Variants in MGMT observed in about 807,000 individuals in gnomAD.
MGMT encodes the protein methylated-DNA--protein-cysteine methyltransferase.
Under a neutral mutation model 15.9 loss-of-function variants are expected in MGMT, and 14 were observed. The observed-to-expected ratio is 0.88, with a 90% CI of 0.58 to 1.37. The LOEUF is 1.37. Among genes scored for constraint, MGMT ranks in the 40% most tolerant of loss-of-function variants. The pLI is 0.00. For synonymous variants in MGMT, 130 were observed against 118.2 expected (o/e 1.10, Z -0.65); for missense variants, 282 against 268.1 (o/e 1.05, Z -0.36).
chr10:129,657,981 G>A (rs1847551888), intron 2 of MGMT, among the ~76,000 whole-genome samples: 1 of 152,140 alleles, frequency 6.6e-6, no homozygotes, highest in African/African-American at 2.4e-5. Flanking sequence ...TATATTTAAT[G>A]TGGTGTTGAG....
rs191024709 is a variant in MGMT at position 129,659,457 on chromosome 10, G to A, written c.126-48438G>A. On this transcript the variant is annotated intron_variant, in intron 2 of 4. Transcript: ENST00000651593. The surrounding 1 kb of genome is among the most constrained non-coding windows in gnomAD (Gnocchi z 4.1). ...TAGAACAGATCCTGCCTCTATCCAC[G>A]GCGTAAGGGAGTTAGCTTCATGGCA... 4.3e-4 allele frequency among the ~76,000 whole-genome samples: 65 copies of A among 152,166 alleles called. No homozygotes were observed. The highest frequency in any genetic ancestry group is 1.0e-3 in the South Asian group (5 of 4,822).
intron 2 of MGMT, among the ~76,000 whole-genome samples, chr10:129,644,072 G>T (rs901555874): frequency 3.3e-5 from 5 of 152,142 alleles, no homozygotes; most frequent in Non-Finnish European, 7.3e-5. Context: ...GCCAGCCCCG[G>T]TCTAACCCAT....
intron 1 of MGMT, among the ~76,000 whole-genome samples, chr10:129,523,708 AT>A (rs1296620533): frequency 5.0e-4 from 4 of 7,930 alleles, no homozygotes; most frequent in Non-Finnish European, 1.0e-3. Flanking sequence ...GGGGAGCACC[AT>A]TTGATTTTAA....
rs1460253163 is a variant in MGMT, at chr10:129,770,848, T to A, written c.*3851T>A. 6.7e-6 allele frequency among the ~76,000 whole-genome samples: 1 copy of A among 148,984 alleles called. No individual in the cohort carries two copies. Among genetic ancestry groups the A allele is most frequent in the Non-Finnish European group, 1.5e-5 (1 of 67,616 alleles). ...TCTTGTTGCCATCGGGGCAGTGGAGTCCCCGGAAACAGTCCAAGGCCCTGG... is the reference window on the plus strand; with the variant it reads ...TCTTGTTGCCATCGGGGCAGTGGAGACCCCGGAAACAGTCCAAGGCCCTGG... On this transcript the variant is annotated 3_prime_UTR_variant, in exon 5 of 5. Transcript: ENST00000651593.
At chr10:129,472,782 G>A (rs751381066) in intron 1 of MGMT, among the ~76,000 whole-genome samples, 2 of 152,182 alleles carry the variant, frequency 1.3e-5, no homozygotes, top group Non-Finnish European at 2.9e-5. Flanking sequence ...AGGCAGGACT[G>A]GAGGTCGGGA....
chr10:129,725,087 A>G (rs1204790621), intron 3 of MGMT, among the ~76,000 whole-genome samples: 1 of 151,748 alleles, frequency 6.6e-6, no homozygotes, highest in Non-Finnish European at 1.5e-5. Context: ...CCTCTGGGCC[A>G]GACCTTTGGA....
At chr10:129,591,880 G>A (rs531700091) in intron 2 of MGMT, among the ~76,000 whole-genome samples, 30 of 152,310 alleles carry the variant, frequency 2.0e-4, no homozygotes, top group South Asian at 4.1e-4. Context: ...ACAGTGAGCC[G>A]AGATGGCGCC....
chr10:129,609,343 C>G (rs895419456), intron 2 of MGMT, among the ~76,000 whole-genome samples: 1 of 148,242 alleles, frequency 6.7e-6, no homozygotes, highest in Non-Finnish European at 1.5e-5. Context: ...TGGCCCCATC[C>G]GGATGATGGA....
At chr10:129,696,657 T>G (rs1441891415) in intron 2 of MGMT, among the ~76,000 whole-genome samples, 1 of 152,258 alleles carries the variant, frequency 6.6e-6, no homozygotes, top group Non-Finnish European at 1.5e-5. Context: ...AGCACCCTTG[T>G]GTCTTGTCTA....
chr10:129,549,993 G>A (rs755910277), intron 2 of MGMT, among the ~76,000 whole-genome samples: 2 of 151,984 alleles, frequency 1.3e-5, no homozygotes, highest in African/African-American at 4.8e-5. Context: ...TCGGTGGTTG[G>A]TTACCCACTC....
intron 1 of MGMT, among the ~76,000 whole-genome samples, chr10:129,488,874 G>A (rs994229015): frequency 6.6e-6 from 1 of 152,150 alleles, no homozygotes; most frequent in Admixed American, 6.5e-5. Flanking sequence ...CATGTGACAT[G>A]TGGATATAGA....
intron 2 of MGMT, among the ~76,000 whole-genome samples, chr10:129,626,043 G>A (rs1847144845): frequency 6.6e-6 from 1 of 152,206 alleles, no homozygotes; most frequent in South Asian, 2.1e-4. Flanking sequence ...TTGCCAGTTA[G>A]GGGAACCTGA....
chr10:129,580,801 A>G (rs1846544580), intron 2 of MGMT, among the ~76,000 whole-genome samples: 1 of 152,222 alleles, frequency 6.6e-6, no homozygotes, highest in Admixed American at 6.5e-5. Flanking sequence ...CAAGGCAGCA[A>G]GTGCCTTCCT....
chr10:129,573,437 C>T (rs1846442693), intron 2 of MGMT, among the ~76,000 whole-genome samples: 1 of 152,096 alleles, frequency 6.6e-6, no homozygotes, highest in South Asian at 2.1e-4. Flanking sequence ...CCATTGTGGT[C>T]AGATTTTTAA....
intron 2 of MGMT, among the ~76,000 whole-genome samples, chr10:129,606,017 C>G (rs1846885471): frequency 6.6e-6 from 1 of 152,274 alleles, no homozygotes; most frequent in South Asian, 2.1e-4. Flanking sequence ...TGCGCAGTGC[C>G]TCTGTGCTAA....
chr10:129,737,959 C>A (rs1320725655), intron 3 of MGMT, among the ~76,000 whole-genome samples: 1 of 152,230 alleles, frequency 6.6e-6, no homozygotes, highest in Non-Finnish European at 1.5e-5. Flanking sequence ...CTCTTCAAAG[C>A]TGTCAGACAG....
intron 2 of MGMT, among the ~76,000 whole-genome samples, chr10:129,588,321 T>C (rs1846641205): frequency 6.6e-6 from 1 of 152,194 alleles, no homozygotes; most frequent in African/African-American, 2.4e-5. Context: ...TCCTGACCCA[T>C]GGGGCGGATG....
chr10:129,510,562 G>T (rs1329668495), intron 1 of MGMT, among the ~76,000 whole-genome samples: 2 of 149,762 alleles, frequency 1.3e-5, no homozygotes, highest in African/African-American at 5.1e-5. Context: ...TTGGGGGCTT[G>T]CTGGTTATTT....
At chr10:129,613,787 C>A (rs1039272381) in intron 2 of MGMT, among the ~76,000 whole-genome samples, 4 of 152,222 alleles carry the variant, frequency 2.6e-5, no homozygotes, top group African/African-American at 9.6e-5. Flanking sequence ...CACGCAGTGT[C>A]ATGAGACCCC....
Sources: gnomAD v4.1 joint callset for allele counts (sites outside exome capture counted in the v4.1 genomes callset) on GRCh38, gnomAD v4.1.1 for gene constraint, Gnocchi (gnomAD v3.1) non-coding constraint, MANE v1.5 for transcripts, NCBI Gene and HGNC (gene_info 2026-07-23, HGNC 2026-07-21) for gene names.